Variants in HECW1 observed in about 807,000 individuals in gnomAD.
HECW1 encodes E3 ubiquitin-protein ligase HECW1.
Under a neutral mutation model 182.3 loss-of-function variants are expected in HECW1, and 61 were observed. The ratio of observed to expected loss-of-function variants is 0.33; its 90% confidence interval spans 0.27 to 0.41. The LOEUF (loss-of-function observed/expected upper bound fraction) is 0.41, where lower values mean the gene tolerates loss of function less well. Among genes scored for constraint, HECW1 ranks in the 10% least tolerant of loss-of-function variants. HECW1 has a pLI of 1.00. For missense variants in HECW1, 1,739 were observed against 2,108.9 expected (o/e 0.82, Z 3.44); for synonymous variants, 859 against 832.6 (o/e 1.03, Z -0.55).
intron 2 of HECW1, among the ~76,000 whole-genome samples, chr7:43,216,101 A>T (rs1562687117): frequency 6.6e-6 from 1 of 152,166 alleles, no homozygotes. Context: ...ATAAGATGAA[A>T]GCTGAGTCTG....
At chr7:43,306,558 A>T (rs970784295) in intron 3 of HECW1, among the ~76,000 whole-genome samples, 2 of 152,202 alleles carry the variant, frequency 1.3e-5, no homozygotes, top group Non-Finnish European at 2.9e-5. Context: ...TATATACTTT[A>T]ATGAAGCTTC....
chr7:43,313,312 A>G (rs1808770568), intron 4 of HECW1, among the ~76,000 whole-genome samples: 1 of 151,596 alleles, frequency 6.6e-6, no homozygotes, highest in Non-Finnish European at 1.5e-5. Context: ...TTAAGAACAG[A>G]GATTGCAAAA....
intron 24 of HECW1, among the ~76,000 whole-genome samples, chr7:43,529,702 G>C (rs1159024673): frequency 6.6e-6 from 1 of 152,034 alleles, no homozygotes; most frequent in Non-Finnish European, 1.5e-5. Context: ...CTCCACTCAA[G>C]TTGGACCTGC....
At position 43,362,131 on chromosome 7, in the gene HECW1, CAAA is replaced by C. The variant is rs34879817; in HGVS notation, c.555+1170_555+1172del. ...GGGCAACAAGAGTGAAACTCCGTCT[CAAA>C]AAAAAAAAAAAAAAAAAAGAGAGAG... is the stretch of plus-strand genomic sequence containing the variant. On this transcript the variant is annotated intron_variant, in intron 6 of 29. Transcript: ENST00000395891. Among the ~76,000 whole-genome samples, 376 of 87,820 alleles carry C rather than the reference CAAA, an allele frequency of 4.3e-3. 2 individuals are homozygous for C. Among genetic ancestry groups the C allele is most frequent in the African/African-American group, 0.015 (346 of 23,484 alleles). 57.6% of individuals were successfully genotyped at this position (87,820 alleles called of 152,430 possible).
intron 5 of HECW1, among the ~76,000 whole-genome samples, chr7:43,341,225 G>T (rs1812944449): frequency 6.6e-6 from 1 of 151,046 alleles, no homozygotes; most frequent in African/African-American, 2.5e-5. Flanking sequence ...TGAGTTGATG[G>T]GTGCAGCAAA....
At chr7:43,384,429 T>C (rs1584718434) in intron 6 of HECW1, among the ~76,000 whole-genome samples, 1 of 152,166 alleles carries the variant, frequency 6.6e-6, no homozygotes, top group African/African-American at 2.4e-5. Context: ...AAGATGGCGG[T>C]GTGCCTGGGG....
In HECW1 at chr7:43,486,866, G is replaced by T. The variant is rs541565650; in HGVS notation, c.3235-5209G>T. ...AAGACATTAGATTGTGTTGTCTATG[G>T]TTCTATATCCTAGTGCCTCGTAGAC... On this transcript the variant is annotated intron_variant, in intron 17 of 29. Coordinates refer to ENST00000395891, the MANE Select transcript of HECW1 (RefSeq NM_015052.5). 2.6e-5 allele frequency among the ~76,000 whole-genome samples: 4 copies of T among 152,300 alleles called. No homozygotes were observed. The South Asian group carries it at 8.3e-4, about 32-fold the overall frequency.
chr7:43,208,751 T>G (rs768786688), intron 2 of HECW1, among the ~76,000 whole-genome samples: 2 of 152,192 alleles, frequency 1.3e-5, no homozygotes, highest in African/African-American at 2.4e-5. Flanking sequence ...GGAGCCACCG[T>G]TTCCCAGGGC....
chr7:43,363,226 A>C (rs918073899), intron 6 of HECW1, among the ~76,000 whole-genome samples: 1 of 152,132 alleles, frequency 6.6e-6, no homozygotes, highest in African/African-American at 2.4e-5. Context: ...GGGCAGGATA[A>C]ATTTTCAACA....
At chr7:43,394,772 T>C (rs1156759506) in intron 6 of HECW1, among the ~76,000 whole-genome samples, 1 of 152,060 alleles carries the variant, frequency 6.6e-6, no homozygotes, top group African/African-American at 2.4e-5. Context: ...GACAGGGGAA[T>C]TGCAATAGAG....
At chr7:43,507,314 T>A (rs1388115655) in intron 22 of HECW1, 57 bp downstream of exon 22, 2 of 1,556,216 alleles carry the variant, frequency 1.3e-6, no homozygotes, top group Non-Finnish European at 1.8e-6. Flanking sequence ...AATCCCTTTC[T>A]CCCCTACACC....
rs148624920 is a variant in HECW1 at position 43,231,019 on chromosome 7, A to G, written c.-31-12856A>G. On this transcript the variant is annotated intron_variant, in intron 2 of 29. Coordinates refer to ENST00000395891, the MANE Select transcript of HECW1 (RefSeq NM_015052.5). The stretch of plus-strand genomic sequence containing the variant: ...TGAATCCTCTGTCTGTTCTGTAGGG[A>G]ATAGATGCTATGTGTCTGGTGCTAT... Among the ~76,000 whole-genome samples, 514 of 152,316 alleles carry G rather than the reference A, an allele frequency of 3.4e-3. 3 individuals are homozygous for G. Among genetic ancestry groups the G allele is most frequent in the African/African-American group, 0.011 (465 of 41,572 alleles).
chr7:43,255,463 G>T (rs909351556), intron 3 of HECW1, among the ~76,000 whole-genome samples: 3 of 152,028 alleles, frequency 2.0e-5, no homozygotes, highest in African/African-American at 7.3e-5. Context: ...GCTGGATATG[G>T]TTGCACACCT....
intron 6 of HECW1, among the ~76,000 whole-genome samples, chr7:43,367,130 A>T (rs2152816942): frequency 6.6e-6 from 1 of 152,364 alleles, no homozygotes. Context: ...CACTATAGCC[A>T]TGTTCTTAAA....
intron 3 of HECW1, among the ~76,000 whole-genome samples, chr7:43,297,324 A>T (rs965343016): frequency 1.3e-5 from 2 of 152,218 alleles, no homozygotes; most frequent in African/African-American, 4.8e-5. Flanking sequence ...TTGTTTGTTT[A>T]TTTATTTCTA....
chr7:43,483,882 G>A (rs1437565760), intron 17 of HECW1, among the ~76,000 whole-genome samples: 1 of 152,044 alleles, frequency 6.6e-6, no homozygotes, highest in African/African-American at 2.4e-5. Context: ...GACAATGAAA[G>A]CCAAGAAGAG....
rs763270438 is a variant in HECW1, at chr7:43,444,839, C to T, written c.1667C>T (p.Pro556Leu). 4.3e-6 allele frequency: 7 copies of T among 1,613,584 alleles called. No individual in the cohort carries two copies. Among genetic ancestry groups the T allele is most frequent in the South Asian group, 2.2e-5 (2 of 91,044 alleles). ...IASACGDPET[P>L]RTHYIRIHTL... ...TCAGCCTGCGGGGACCCCGAGACCC[C>T]GCGGACACACTACATCCGCATCCAC... The change falls in exon 11 of 30, where the codon CCG (proline) becomes CTG (leucine). Residue 556 changes from proline (P) to leucine (L), a missense_variant. Pro to Leu is a moderately conservative substitution (Grantham distance 98). Around this residue, in one of 5 missense-constraint regions of HECW1, gnomAD observed 971 missense variants for 1,029.1 expected, o/e 0.94. Transcript: ENST00000395891. This position sits in a 1 kb window ranked among gnomAD's most constrained non-coding sequence, Gnocchi z 4.3.
chr7:43,515,456 T>C (rs1364677418), intron 24 of HECW1, among the ~76,000 whole-genome samples: 3 of 152,120 alleles, frequency 2.0e-5, no homozygotes, highest in Admixed American at 2.0e-4. Flanking sequence ...AGAATCAAAA[T>C]AGGGCAGAAG....
At chr7:43,265,208 C>T (rs1801644556) in intron 3 of HECW1, among the ~76,000 whole-genome samples, 1 of 152,118 alleles carries the variant, frequency 6.6e-6, no homozygotes, top group African/African-American at 2.4e-5. Context: ...TGGTGACAGC[C>T]ACCATCTCTG....
Sources: allele counts gnomAD v4.1 joint callset (sites outside exome capture counted in the v4.1 genomes callset), GRCh38; gene constraint gnomAD v4.1.1; regional missense constraint gnomAD v4.1.1; non-coding constraint Gnocchi (gnomAD v3.1); transcripts MANE v1.5; gene names NCBI Gene and HGNC (gene_info 2026-07-23, HGNC 2026-07-21).